Variants in ZBBX observed in about 807,000 individuals in gnomAD.
The protein encoded by ZBBX is zinc finger B-box domain-containing protein 1.
A neutral mutation model predicts 108.5 loss-of-function variants in ZBBX; 101 were observed. That is an observed-to-expected ratio of 0.93 (90% CI 0.79 to 1.10). The LOEUF (loss-of-function observed/expected upper bound fraction) is 1.10, where lower values mean the gene tolerates loss of function less well. Ranked by LOEUF, ZBBX falls within the 50% of genes least tolerant of loss-of-function variation. ZBBX has a pLI of 0.00. For synonymous variants in ZBBX, 356 were observed against 323.4 expected, an observed-to-expected ratio of 1.10 and a Z score of -1.08; for missense variants, 1,009 against 941.4, an observed-to-expected ratio of 1.07 and a Z score of -0.94.
At chr3:167,288,574 A>T (rs998143795) in intron 19 of ZBBX, among the ~76,000 whole-genome samples, 2 of 152,324 alleles carry the variant, frequency 1.3e-5, no homozygotes, top group East Asian at 3.9e-4. Context: ...TGTATTTTAT[A>T]AGGATTGTTC....
chr3:167,321,798 G>T (rs1736489789), intron 12 of ZBBX, among the ~76,000 whole-genome samples: 1 of 151,742 alleles, frequency 6.6e-6, no homozygotes, highest in Admixed American at 6.6e-5. Context: ...ATAAAAAACT[G>T]GTGTCTTCTC....
At chr3:167,242,956 A>G in intron 20 of ZBBX, among the ~76,000 whole-genome samples, 1 of 152,172 alleles carries the variant, frequency 6.6e-6, no homozygotes, top group East Asian at 1.9e-4. Context: ...TAAAGCTACA[A>G]TATTTTGCAG....
At chr3:167,232,366 C>T in the ZBBX span, among the ~76,000 whole-genome samples, 5 of 151,910 alleles carry the variant, frequency 3.3e-5, no homozygotes, top group East Asian at 5.8e-4. Flanking sequence ...ATAAATGGCT[C>T]GTTTTCACCT....
intron 8 of ZBBX, 48 bp from the exon 9 acceptor site, chr3:167,350,563 G>A (rs573410697): frequency 3.8e-6 from 5 of 1,330,270 alleles, no homozygotes; most frequent in Non-Finnish European, 5.2e-6. Flanking sequence ...AAAATAGTAT[G>A]ATTTTTAGAA....
chr3:167,196,774 CAAACTTATTTA>C, the ZBBX span, among the ~76,000 whole-genome samples: 1 of 152,050 alleles, frequency 6.6e-6, no homozygotes, highest in South Asian at 2.1e-4. Flanking sequence ...TAATAAAGGA[CAAACTTATTTA>C]AAACTTATTT....
chr3:167,319,674 T>A (rs1227062397), intron 12 of ZBBX, among the ~76,000 whole-genome samples: 1 of 152,018 alleles, frequency 6.6e-6, no homozygotes, highest in Non-Finnish European at 1.5e-5. Flanking sequence ...GTACTCTAGG[T>A]GGAAAATTTG....
At chr3:167,330,081 ATC>A (rs1738166503) in intron 10 of ZBBX, among the ~76,000 whole-genome samples, 1 of 152,240 alleles carries the variant, frequency 6.6e-6, no homozygotes, top group African/African-American at 2.4e-5. Context: ...ATAAATGCTG[ATC>A]AGTGGAAGAT....
chr3:167,252,610 G>A lies in ZBBX; in HGVS notation c.2255-9967C>T, dbSNP rs755239655. Among the ~76,000 whole-genome samples, 55 of 147,414 alleles carry A rather than the reference G, an allele frequency of 3.7e-4. No homozygotes were observed. In the Middle Eastern group the frequency reaches 0.018, roughly 47 times the overall value. ...AACAGAAAAAAAAAAAAAAATCCAT[G>A]TCTGCGTTAAGTGTGAAAGTGGTTG... On this transcript the variant is annotated intron_variant, in intron 20 of 21. Transcript: ENST00000675490.
chr3:167,211,894 C>G, the ZBBX span, among the ~76,000 whole-genome samples: 1 of 152,110 alleles, frequency 6.6e-6, no homozygotes, highest in Non-Finnish European at 1.5e-5. Flanking sequence ...GGTGAGTTAG[C>G]CATTCCAGCC....
At chr3:167,394,620 G>T (rs1344274620) in intron 1 of ZBBX, among the ~76,000 whole-genome samples, 1 of 151,716 alleles carries the variant, frequency 6.6e-6, no homozygotes, top group African/African-American at 2.4e-5. Context: ...TGAGACAAAA[G>T]GTTACACGGC....
At chr3:167,289,336 C>T (rs1020684669) in intron 18 of ZBBX, among the ~76,000 whole-genome samples, 1 of 152,158 alleles carries the variant, frequency 6.6e-6, no homozygotes, top group Non-Finnish European at 1.5e-5. Context: ...ATAGGAACAG[C>T]TCCAGTCTGC....
At chr3:167,357,053 C>T (rs963145047) in intron 8 of ZBBX, among the ~76,000 whole-genome samples, 2 of 151,942 alleles carry the variant, frequency 1.3e-5, no homozygotes, top group African/African-American at 2.4e-5. Flanking sequence ...GTAGATTGAG[C>T]CAAAACTTCA....
intron 9 of ZBBX, among the ~76,000 whole-genome samples, chr3:167,336,862 A>C (rs1739638164): frequency 6.6e-6 from 1 of 152,146 alleles, no homozygotes; most frequent in Non-Finnish European, 1.5e-5. Flanking sequence ...GTTTATTTTT[A>C]TATTTGACCA....
chr3:167,225,831 G>A, the ZBBX span, among the ~76,000 whole-genome samples: 3 of 151,762 alleles, frequency 2.0e-5, no homozygotes, highest in Admixed American at 1.3e-4. Context: ...GAGATTTCAT[G>A]GAACAGTGCA....
intron 6 of ZBBX, among the ~76,000 whole-genome samples, 170 bp downstream of exon 6, chr3:167,365,716 G>T (rs1745211409): frequency 6.6e-6 from 1 of 151,542 alleles, no homozygotes; most frequent in Admixed American, 6.6e-5. Context: ...AAACATAATT[G>T]AATAATGAAA....
intron 12 of ZBBX, among the ~76,000 whole-genome samples, chr3:167,320,079 G>A (rs1417545211): frequency 6.6e-6 from 1 of 151,550 alleles, no homozygotes; most frequent in African/African-American, 2.4e-5. Context: ...TAGAATTGTG[G>A]CACCAGAATA....
Position 167,397,142 on chromosome 3 carries a change from T to TAAAAAAAAAAAAAAAA in ZBBX, c.-446+10568_-446+10583dup, listed in dbSNP as rs61671930. Among the ~76,000 whole-genome samples the TAAAAAAAAAAAAAAAA allele has an allele frequency of 9.7e-4, 70 of 72,406 alleles. 5 individuals are homozygous for TAAAAAAAAAAAAAAAA. Among genetic ancestry groups the TAAAAAAAAAAAAAAAA allele is most frequent in the African/African-American group, 2.5e-3 (46 of 18,708 alleles). 47.5% of individuals were successfully genotyped at this position (72,406 alleles called of 152,430 possible). On this transcript the variant is annotated intron_variant, in intron 1 of 21. Coordinates refer to the ZBBX transcript ENST00000455345. Reference sequence around the variant, plus strand: ...GTCGTGAAGAAGAGGTTCTTGGTGGTAAAAAAAAAAAAAAAAAAAAAAAAT... The same window carrying TAAAAAAAAAAAAAAAA: ...GTCGTGAAGAAGAGGTTCTTGGTGGTAAAAAAAAAAAAAAAAAAAAAAAAAAAAAAAAAAAAAAAAT...
At chr3:167,375,986 C>CGTGGT (rs1245256444) in intron 2 of ZBBX, among the ~76,000 whole-genome samples, 1 of 152,080 alleles carries the variant, frequency 6.6e-6, no homozygotes, top group Admixed American at 6.6e-5. Flanking sequence ...GCAAATAAGC[C>CGTGGT]GTGGTGTCTT....
rs1380652325 is a variant in ZBBX, at chr3:167,272,464, GA to G, written c.2254+9773del. Among the ~76,000 whole-genome samples, 3 of 152,216 alleles carry G rather than the reference GA, an allele frequency of 2.0e-5. No homozygotes were observed. The East Asian group carries it at 5.8e-4, about 30-fold the overall frequency. ...ACCCTATCTAGTGCTCCTGACCACTGAACTGCAGTCCGGACAGCAGAGACTT... is the reference window on the plus strand; with the variant it reads ...ACCCTATCTAGTGCTCCTGACCACTGACTGCAGTCCGGACAGCAGAGACTT... On this transcript the variant is annotated intron_variant, in intron 20 of 21. Coordinates refer to ENST00000675490, the MANE Select transcript of ZBBX (RefSeq NM_001199201.2).
Sources: gnomAD v4.1 joint callset for allele counts (sites outside exome capture counted in the v4.1 genomes callset) on GRCh38, gnomAD v4.1.1 for gene constraint, MANE v1.5 for transcripts, NCBI Gene and HGNC (gene_info 2026-07-23, HGNC 2026-07-21) for gene names.